Variants in DNM2 observed in about 807,000 individuals in gnomAD.
DNM2 encodes the protein dynamin-2.
DNM2 carries 15 observed loss-of-function variants against 99.0 expected under a neutral mutation model. That is an observed-to-expected ratio of 0.15 (90% confidence interval 0.10 to 0.23). DNM2 has a LOEUF of 0.23. Among genes scored for constraint, DNM2 ranks in the 10% least tolerant of loss-of-function variants. DNM2 has a pLI of 1.00. For synonymous variants in DNM2, 525 were observed against 481.2 expected (o/e 1.09, Z -1.19); for missense variants, 742 against 1,189.4 (o/e 0.62, Z 5.53).
intron 18 of DNM2, among the ~76,000 whole-genome samples, chr19:10,827,449 G>A (rs886953684): frequency 2.0e-5 from 3 of 151,820 alleles, no homozygotes; most frequent in South Asian, 2.1e-4. Flanking sequence ...TAAATCTGTC[G>A]GCCCAGCTAC....
At chr19:10,745,383 A>T (rs1178592650) in intron 1 of DNM2, among the ~76,000 whole-genome samples, 2 of 152,182 alleles carry the variant, frequency 1.3e-5, no homozygotes, top group Non-Finnish European at 2.9e-5. Context: ...TGCTGGGGAA[A>T]GGGCGCTTAA....
intron 1 of DNM2, among the ~76,000 whole-genome samples, chr19:10,744,170 A>T (rs895826335): frequency 6.6e-6 from 1 of 151,730 alleles, no homozygotes; most frequent in Non-Finnish European, 1.5e-5. Context: ...AAAAAAAAAA[A>T]TTCTTTAAAA....
chr19:10,775,560 G>T lies in DNM2; in HGVS notation c.386-143G>T, dbSNP rs1239644251. ...TAGAAGGGGAGTTACTGGATCAAAG[G>T]TGTGGTTCAGGCAGAGTGTCAGGCG... On this transcript the variant is annotated intron_variant, in intron 3 of 20. Coordinates refer to ENST00000389253, the MANE Select transcript of DNM2 (RefSeq NM_001005361.3). This position sits in a 1 kb window ranked among gnomAD's most constrained non-coding sequence, Gnocchi z 4.3. 4 of 877,194 alleles carry T rather than the reference G, an allele frequency of 4.6e-6. No homozygotes were observed. The highest frequency in any genetic ancestry group is 1.7e-5 in the Admixed American group (1 of 59,010). The allele number at this position is 877,194 out of a possible 1,614,324, so 54.3% of individuals were successfully genotyped here.
chr19:10,802,685 G>A (rs1247839627), intron 12 of DNM2: 3 of 414,158 alleles, frequency 7.2e-6, no homozygotes, highest in African/African-American at 4.1e-5. Flanking sequence ...AGCCTTTAGC[G>A]ACCAGTGTGC....
chr19:10,769,093 C>A (rs1352585382), intron 2 of DNM2, among the ~76,000 whole-genome samples: 1 of 152,152 alleles, frequency 6.6e-6, no homozygotes, highest in Non-Finnish European at 1.5e-5. Context: ...GCTGTCTTTG[C>A]CACATCATTC....
intron 7 of DNM2, among the ~76,000 whole-genome samples, chr19:10,789,345 C>T (rs978033175): frequency 6.6e-6 from 1 of 152,092 alleles, no homozygotes; most frequent in Admixed American, 6.6e-5. Flanking sequence ...CTCTCTGAGC[C>T]TCATTTTCTG....
rs149035768 is a variant in DNM2 at position 10,757,280 on chromosome 19, G to A, written c.162-2458G>A. On this transcript the variant is annotated intron_variant, in intron 1 of 20. Coordinates refer to ENST00000389253, the MANE Select transcript of DNM2 (RefSeq NM_001005361.3). ...TGACTTGTTGTGTAGTCAGTGCTGTGTCTCTGCACCCAGCCAGAAGTGGTG... is the reference window on the plus strand; with the variant it reads ...TGACTTGTTGTGTAGTCAGTGCTGTATCTCTGCACCCAGCCAGAAGTGGTG... 4.9e-4 allele frequency among the ~76,000 whole-genome samples: 74 copies of A among 152,302 alleles called. No homozygotes were observed. In the Middle Eastern group the frequency reaches 0.01, roughly 21 times the overall value.
chr19:10,762,365 G>A (rs992749303), intron 2 of DNM2, among the ~76,000 whole-genome samples: 12 of 152,136 alleles, frequency 7.9e-5, no homozygotes, highest in African/African-American at 2.9e-4. Flanking sequence ...TGAGTCCCTG[G>A]TGATGCTGCC....
chr19:10,730,099 T>C (rs887737585), intron 1 of DNM2, among the ~76,000 whole-genome samples: 1 of 152,086 alleles, frequency 6.6e-6, no homozygotes, highest in Non-Finnish European at 1.5e-5. Context: ...CCTGGGCTCA[T>C]GCGATCCTTT....
Position 10,795,957 on chromosome 19 carries a change from C to A in DNM2, c.1196+518C>A, listed in dbSNP as rs968900569. The A allele has an allele frequency of 2.5e-6, 4 of 1,584,852 alleles. No homozygotes were observed. The highest frequency in any genetic ancestry group is 3.3e-5 in the Admixed American group (2 of 59,956). On this transcript the variant is annotated intron_variant, in intron 9 of 20. Transcript: ENST00000389253. This position sits in a 1 kb window ranked among gnomAD's most constrained non-coding sequence, Gnocchi z 4.2. The stretch of plus-strand genomic sequence containing the variant: ...GCATCCGACCCCACACATGACACAA[C>A]CTTCATTCCTTGTTGGGGACCCGGC...
intron 1 of DNM2, among the ~76,000 whole-genome samples, chr19:10,736,949 C>T (rs2069551444): frequency 6.6e-6 from 1 of 152,128 alleles, no homozygotes; most frequent in Non-Finnish European, 1.5e-5. Flanking sequence ...GAGTACGAGA[C>T]CAGCCTGGGC....
intron 2 of DNM2, among the ~76,000 whole-genome samples, chr19:10,767,641 C>T (rs891870155): frequency 2.6e-5 from 4 of 152,224 alleles, no homozygotes; most frequent in African/African-American, 9.6e-5. Context: ...CATGATGGCT[C>T]ATGCCTGTAA....
chr19:10,812,473 C>T lies in DNM2; in HGVS notation c.1671+96C>T. 9.8e-7 allele frequency: 1 copy of T among 1,018,796 alleles called. No homozygotes were observed. 63.1% of individuals were successfully genotyped at this position (1,018,796 alleles called of 1,614,324 possible). A position where few individuals can be genotyped will look rare whatever the true frequency, so the allele number is the denominator to read the frequency against. ...TCTGGGCAGAACTCAGTCACTGCGC[C>T]ACTCTGCCCTGAGTCACCATTAGGA... On this transcript the variant is annotated intron_variant, in intron 15 of 20. Coordinates refer to ENST00000389253, the MANE Select transcript of DNM2 (RefSeq NM_001005361.3). This position sits in a 1 kb window ranked among gnomAD's most constrained non-coding sequence, Gnocchi z 4.0.
rs137857039 is a variant in DNM2 at position 10,718,962 on chromosome 19, C to T, written c.161+559C>T. ...TGTCTGGCTAGCTGTCCAGGGTGAC[C>T]TCTGCTGTCTGGCCGCCCATCCGTG... On this transcript the variant is annotated intron_variant, in intron 1 of 20. Transcript: ENST00000389253. Among the ~76,000 whole-genome samples, 184 of 152,260 alleles carry T rather than the reference C, an allele frequency of 1.2e-3. 2 individuals are homozygous for T. Among genetic ancestry groups the T allele is most frequent in the African/African-American group, 4.3e-3 (178 of 41,560 alleles).
At chr19:10,792,944 T>G (rs933450449) in intron 7 of DNM2, among the ~76,000 whole-genome samples, 1 of 152,108 alleles carries the variant, frequency 6.6e-6, no homozygotes, top group African/African-American at 2.4e-5. Context: ...GGTCTCACTG[T>G]GTTGCCCAGG....
intron 4 of DNM2, among the ~76,000 whole-genome samples, chr19:10,776,480 C>T (rs1409156434): frequency 6.6e-6 from 1 of 151,916 alleles, no homozygotes; most frequent in Non-Finnish European, 1.5e-5. Flanking sequence ...AATTGGCACC[C>T]ACCAGAGATC....
At chr19:10,750,986 G>T (rs1436542442) in intron 1 of DNM2, among the ~76,000 whole-genome samples, 1 of 152,002 alleles carries the variant, frequency 6.6e-6, no homozygotes, top group Admixed American at 6.6e-5. Context: ...GAATGTTGGA[G>T]GATCCCACCT....
chr19:10,730,848 G>A (rs2069287907), intron 1 of DNM2, among the ~76,000 whole-genome samples: 1 of 152,162 alleles, frequency 6.6e-6, no homozygotes, highest in Non-Finnish European at 1.5e-5. Flanking sequence ...CAGTGGCCCT[G>A]GCAGGGGCAG....
chr19:10,791,729 T>C (rs2071760851), intron 7 of DNM2, among the ~76,000 whole-genome samples: 1 of 151,832 alleles, frequency 6.6e-6, no homozygotes, highest in Non-Finnish European at 1.5e-5. Context: ...CAGTCTGTTG[T>C]CTGTCATTAG....
Sources: gnomAD v4.1 joint callset for allele counts (sites outside exome capture counted in the v4.1 genomes callset) on GRCh38, gnomAD v4.1.1 for gene constraint, Gnocchi (gnomAD v3.1) non-coding constraint, MANE v1.5 for transcripts, NCBI Gene and HGNC (gene_info 2026-07-23, HGNC 2026-07-21) for gene names.